ROBO2: variants seen among roughly 807,000 people sequenced by gnomAD.
ROBO2 encodes roundabout homolog 2.
A neutral mutation model predicts 160.8 loss-of-function variants in ROBO2; 53 were observed. The observed-to-expected ratio is 0.33, with a 90% CI of 0.26 to 0.41. The LOEUF is 0.41. ROBO2 is among the 10% of genes least tolerant of loss of function. The pLI, the probability that ROBO2 is intolerant of heterozygous loss-of-function variation, is 1.00. For synonymous variants in ROBO2, 664 were observed against 611.7 expected (o/e 1.09, Z -1.26); for missense variants, 1,577 against 1,722.4 (o/e 0.92, Z 1.49).
At chr3:76,693,505 G>T (rs1275147107) in intron 2 of ROBO2, among the ~76,000 whole-genome samples, 2 of 150,646 alleles carry the variant, frequency 1.3e-5, no homozygotes, top group Non-Finnish European at 2.9e-5. Flanking sequence ...ATATATAGAT[G>T]AAATTCTTTG....
chr3:76,179,829 AG>A (rs1312109382), intron 2 of ROBO2, among the ~76,000 whole-genome samples: 1 of 152,084 alleles, frequency 6.6e-6, no homozygotes, highest in Admixed American at 6.6e-5. Context: ...ATTTGATGGA[AG>A]GGGGGTTGGT....
Position 76,568,066 on chromosome 3 carries a change from T to C in ROBO2, c.110-529948T>C, listed in dbSNP as rs369024302. On this transcript the variant is annotated intron_variant, in intron 2 of 26. Transcript: ENST00000487694. ...CCGGGCTCAAGCGATCCACCAGCCTTAGCCTACCAAAGTGCTGGGATTGCA... is the reference window on the plus strand; with the variant it reads ...CCGGGCTCAAGCGATCCACCAGCCTCAGCCTACCAAAGTGCTGGGATTGCA... 2.8e-4 allele frequency among the ~76,000 whole-genome samples: 43 copies of C among 151,722 alleles called. 2 individuals carry two copies. The highest frequency in any genetic ancestry group is 2.7e-3 in the South Asian group (13 of 4,806).
intron 2 of ROBO2, among the ~76,000 whole-genome samples, chr3:76,395,579 A>G (rs1353715227): frequency 6.6e-6 from 1 of 151,614 alleles, no homozygotes; most frequent in Non-Finnish European, 1.5e-5. Context: ...CGCTAGCAAG[A>G]CTAATAAAGA....
chr3:77,145,825 A>G (rs1311296912), intron 2 of ROBO2, among the ~76,000 whole-genome samples: 1 of 152,176 alleles, frequency 6.6e-6, no homozygotes, highest in African/African-American at 2.4e-5. Context: ...ATCTAACAGC[A>G]TGCTTATTCA....
At chr3:76,207,339 A>G (rs1413273223) in intron 2 of ROBO2, among the ~76,000 whole-genome samples, 1 of 152,166 alleles carries the variant, frequency 6.6e-6, no homozygotes, top group East Asian at 1.9e-4. Flanking sequence ...TATTTTACTG[A>G]AAGATCTATT....
chr3:76,027,603 C>T (rs62267216), intron 2 of ROBO2, among the ~76,000 whole-genome samples: 10,979 of 151,782 alleles, frequency 0.072, 1,021 homozygotes, highest in African/African-American at 0.22. Context: ...GAAACCCATC[C>T]TTTTCTGACA....
At chr3:76,450,846 A>AATGC (rs1329731079) in intron 2 of ROBO2, among the ~76,000 whole-genome samples, 1 of 152,152 alleles carries the variant, frequency 6.6e-6, no homozygotes, top group Non-Finnish European at 1.5e-5. Flanking sequence ...AAACCATGTG[A>AATGC]ATGCATTTTT....
At chr3:77,040,046 C>CCG in exon 1 of ROBO2, 1 of 214,156 alleles carries the variant, frequency 4.7e-6, no homozygotes, top group Non-Finnish European at 8.0e-6. Context: ...GGCCTCCGCC[C>CCG]GGCCCCTCCC....
At chr3:75,952,243 A>T (rs1948568086) in intron 2 of ROBO2, among the ~76,000 whole-genome samples, 1 of 151,958 alleles carries the variant, frequency 6.6e-6, no homozygotes, top group Non-Finnish European at 1.5e-5. Flanking sequence ...TTAACTATAA[A>T]ATGGACTGAT....
At chr3:76,155,937 C>G (rs1206896829) in intron 2 of ROBO2, among the ~76,000 whole-genome samples, 5 of 152,104 alleles carry the variant, frequency 3.3e-5, no homozygotes, top group African/African-American at 1.2e-4. Context: ...TTCTACCTTT[C>G]CCTGTCAAAG....
intron 2 of ROBO2, among the ~76,000 whole-genome samples, chr3:76,780,732 T>C (rs559088845): frequency 1.3e-5 from 2 of 151,028 alleles, no homozygotes; most frequent in South Asian, 4.1e-4. Flanking sequence ...TAGCTGACCG[T>C]ATATGCATGG....
intron 2 of ROBO2, among the ~76,000 whole-genome samples, chr3:76,812,355 A>AC (rs2065262299): frequency 1.3e-5 from 2 of 151,378 alleles, no homozygotes; most frequent in African/African-American, 4.8e-5. Flanking sequence ...GAAAAAAAAA[A>AC]AAAAAAAACG....
chr3:76,940,966 C>A (rs995820912), intron 2 of ROBO2, among the ~76,000 whole-genome samples: 12 of 152,260 alleles, frequency 7.9e-5, no homozygotes, highest in Admixed American at 6.5e-4. Context: ...TCAAATGTAA[C>A]GTATTTAAAT....
intron 2 of ROBO2, among the ~76,000 whole-genome samples, chr3:76,812,162 C>T (rs1306341303): frequency 6.6e-6 from 1 of 151,746 alleles, no homozygotes; most frequent in Admixed American, 6.6e-5. Context: ...TGTGAGCCAC[C>T]GTGCCCAGCC....
At chr3:76,197,189 G>A (rs13064010) in intron 2 of ROBO2, among the ~76,000 whole-genome samples, 74 of 64,410 alleles carry the variant, frequency 1.1e-3, no homozygotes, top group Middle Eastern at 0.012. Flanking sequence ...TGAGCTAATC[G>A]GTCTCTCTAT....
chr3:76,651,862 C>T (rs2091271987), intron 2 of ROBO2, among the ~76,000 whole-genome samples: 1 of 152,108 alleles, frequency 6.6e-6, no homozygotes, highest in Non-Finnish European at 1.5e-5. Flanking sequence ...GCTTTTGCCC[C>T]TCTCTTGCTC....
intron 2 of ROBO2, among the ~76,000 whole-genome samples, chr3:76,317,871 A>T (rs767908740): frequency 7.2e-5 from 11 of 152,060 alleles, no homozygotes; most frequent in Non-Finnish European, 1.6e-4. Context: ...TAAGATTTTG[A>T]TAATGAAAAA....
intron 2 of ROBO2, among the ~76,000 whole-genome samples, chr3:76,403,251 G>T (rs2108773965): frequency 6.6e-6 from 1 of 151,538 alleles, no homozygotes; most frequent in South Asian, 2.1e-4. Flanking sequence ...ATTCAGCAAG[G>T]TTTTTTTCTG....
chr3:76,933,220 C>G (rs922640956), intron 2 of ROBO2, among the ~76,000 whole-genome samples: 1 of 152,048 alleles, frequency 6.6e-6, no homozygotes, highest in African/African-American at 2.4e-5. Flanking sequence ...ATATGTTAAT[C>G]TAAATGGAGA....
Sources: allele counts gnomAD v4.1 joint callset (sites outside exome capture counted in the v4.1 genomes callset), GRCh38; gene constraint gnomAD v4.1.1; transcripts MANE v1.5; gene names NCBI Gene and HGNC (gene_info 2026-07-23, HGNC 2026-07-21).